The following CDH23 variants were observed in gnomAD, a reference collection of about 807,000 sequenced individuals.
The protein encoded by CDH23 is cadherin-23.
In CDH23, 189 loss-of-function variants were observed where a neutral mutation model predicts 317.1. The ratio of observed to expected loss-of-function variants is 0.60; its 90% CI spans 0.53 to 0.67. The LOEUF (loss-of-function observed/expected upper bound fraction) is 0.67. CDH23 is among the 30% of genes least tolerant of loss of function. The probability of loss-of-function intolerance (pLI) is 0.00; values close to 1 mark genes in which losing one functional copy is unlikely to be tolerated. For synonymous variants in CDH23, 1,839 were observed against 1,876.8 expected (o/e 0.98, Z 0.52); for missense variants, 4,401 against 4,592.4 (o/e 0.96, Z 1.20).
intron 11 of CDH23, among the ~76,000 whole-genome samples, chr10:71,628,264 G>A (rs960204795): frequency 6.6e-6 from 1 of 152,250 alleles, no homozygotes; most frequent in South Asian, 2.1e-4. Context: ...CCCAGCCCAT[G>A]CTGGGCTCTG....
At chr10:71,684,161 A>G (rs982412110) in intron 18 of CDH23, among the ~76,000 whole-genome samples, 3 of 151,570 alleles carry the variant, frequency 2.0e-5, no homozygotes, top group Admixed American at 6.6e-5. Flanking sequence ...AGAAACACCG[A>G]GGGTAGGGAA....
intron 6 of CDH23, among the ~76,000 whole-genome samples, chr10:71,551,191 G>A (rs1402630285): frequency 1.3e-5 from 2 of 152,248 alleles, no homozygotes; most frequent in East Asian, 3.8e-4. Context: ...AAAACAAAGT[G>A]TCGCCCAATT....
At chr10:71,802,833 G>T in intron 53 of CDH23, 65 bp from the exon 54 acceptor site, 2 of 1,558,458 alleles carry the variant, frequency 1.3e-6, no homozygotes, top group South Asian at 2.3e-5. Context: ...ACTCCTGCAT[G>T]ACCAGGTCCG....
intron 6 of CDH23, among the ~76,000 whole-genome samples, chr10:71,559,700 G>T (rs1857032341): frequency 6.6e-6 from 1 of 152,216 alleles, no homozygotes; most frequent in Non-Finnish European, 1.5e-5. Flanking sequence ...ATGTCCTCGA[G>T]CCATGTCAGG....
intron 3 of CDH23, among the ~76,000 whole-genome samples, chr10:71,472,078 G>A (rs546103686): frequency 5.9e-5 from 9 of 152,318 alleles, no homozygotes; most frequent in South Asian, 2.1e-4. Flanking sequence ...TCCCGAGCTT[G>A]TTTGTCCTCA....
chr10:71,737,991 C>G (rs1038705549), intron 34 of CDH23, among the ~76,000 whole-genome samples: 20 of 152,174 alleles, frequency 1.3e-4, no homozygotes, highest in African/African-American at 4.8e-4. Flanking sequence ...CCTCTAAGCC[C>G]AAGGTTGCAA....
chr10:71,554,265 A>T (rs1319338727), intron 6 of CDH23, among the ~76,000 whole-genome samples: 1 of 152,074 alleles, frequency 6.6e-6, no homozygotes, highest in African/African-American at 2.4e-5. Flanking sequence ...CAGTGCAGTC[A>T]CAGCTCACTG....
At chr10:71,577,417 T>C (rs181462875) in intron 8 of CDH23, among the ~76,000 whole-genome samples, 2 of 152,094 alleles carry the variant, frequency 1.3e-5, no homozygotes, top group African/African-American at 4.8e-5. Flanking sequence ...GCTTTCATGA[T>C]TTATGCTTTC....
At chr10:71,434,350 G>A (rs1849527437) in intron 1 of CDH23, among the ~76,000 whole-genome samples, 1 of 152,216 alleles carries the variant, frequency 6.6e-6, no homozygotes, top group African/African-American at 2.4e-5. Context: ...CCAGGGTGCG[G>A]GCTTTACCTT....
At chr10:71,570,038 C>T (rs937310189) in intron 7 of CDH23, among the ~76,000 whole-genome samples, 1 of 152,120 alleles carries the variant, frequency 6.6e-6, no homozygotes, top group Admixed American at 6.5e-5. Flanking sequence ...GCAGCTGGGA[C>T]TACAGATGCA....
intron 11 of CDH23, among the ~76,000 whole-genome samples, chr10:71,643,111 C>T (rs1311747780): frequency 1.3e-5 from 2 of 152,200 alleles, no homozygotes; most frequent in African/African-American, 4.8e-5. Context: ...TCTATATGCA[C>T]AGTTATGGAC....
At chr10:71,479,365 CAGG>C (rs1341853740) in intron 3 of CDH23, among the ~76,000 whole-genome samples, 2 of 152,162 alleles carry the variant, frequency 1.3e-5, no homozygotes, top group East Asian at 3.9e-4. Context: ...TGGACACCTT[CAGG>C]AGGTTTTTGT....
intron 69 of CDH23, among the ~76,000 whole-genome samples, chr10:71,814,356 A>G (rs750778999): frequency 2.6e-5 from 4 of 152,262 alleles, no homozygotes; most frequent in Non-Finnish European, 5.9e-5. Context: ...CCGAGGCTGC[A>G]CTGAGCTTTG....
In CDH23 at chr10:71,510,720, AC is replaced by A. The variant is rs1357164483; in HGVS notation, c.289-231del. ...TCTTAGAGGCAGAGCCAAGACTAGC[AC>A]CCAAGATGCTCGGCTTCTGTCTTTT... On this transcript the variant is annotated intron_variant, in intron 4 of 69. Coordinates refer to ENST00000224721, the MANE Select transcript of CDH23 (RefSeq NM_022124.6). Among the ~76,000 whole-genome samples the A allele has an allele frequency of 2.0e-5, 3 of 152,216 alleles. No homozygotes were observed. The East Asian group carries it at 5.8e-4, about 29-fold the overall frequency.
intron 11 of CDH23, among the ~76,000 whole-genome samples, chr10:71,638,808 C>A (rs144082318): frequency 2.0e-5 from 3 of 152,204 alleles, no homozygotes; most frequent in African/African-American, 7.2e-5. Context: ...GCTCTGGGAG[C>A]CTTAGAGAGA....
At chr10:71,469,156 CA>C (rs1466037459) in intron 3 of CDH23, among the ~76,000 whole-genome samples, 2 of 152,254 alleles carry the variant, frequency 1.3e-5, no homozygotes, top group Admixed American at 6.5e-5. Flanking sequence ...GTGTAATTGA[CA>C]TATGATAGAC....
chr10:71,801,316 G>A (rs1038502974), intron 53 of CDH23, among the ~76,000 whole-genome samples: 9 of 151,774 alleles, frequency 5.9e-5, no homozygotes, highest in African/African-American at 7.3e-5. Context: ...TACCACACCC[G>A]GCTAATTTTG....
At chr10:71,593,257 G>A (rs1859620984) in intron 9 of CDH23, among the ~76,000 whole-genome samples, 1 of 152,122 alleles carries the variant, frequency 6.6e-6, no homozygotes, top group Non-Finnish European at 1.5e-5. Context: ...AGCTGGTGTT[G>A]GGAAAACTAG....
At chr10:71,444,368 A>G (rs945740138) in intron 2 of CDH23, among the ~76,000 whole-genome samples, 5 of 152,194 alleles carry the variant, frequency 3.3e-5, no homozygotes, top group African/African-American at 1.2e-4. Flanking sequence ...AGGCACAGGG[A>G]GGTTTCAAAA....
Sources: allele counts gnomAD v4.1 joint callset (sites outside exome capture counted in the v4.1 genomes callset), GRCh38; gene constraint gnomAD v4.1.1; transcripts MANE v1.5; gene names NCBI Gene and HGNC (gene_info 2026-07-23, HGNC 2026-07-21).